Variants in ASB18 observed in about 807,000 individuals in gnomAD.
ASB18 encodes the protein ankyrin repeat and SOCS box protein 18.
Under a neutral mutation model 33.4 loss-of-function variants are expected in ASB18, and 33 were observed. The observed-to-expected ratio is 0.99, with a 90% CI of 0.75 to 1.32. The LOEUF (loss-of-function observed/expected upper bound fraction) is 1.32, where lower values mean the gene tolerates loss of function less well. ASB18 is among the 40% of genes most tolerant of loss of function. The pLI is 0.00. For missense variants in ASB18, 694 were observed against 655.5 expected (o/e 1.06, Z -0.64); for synonymous variants, 295 against 307.6 (o/e 0.96, Z 0.43).
In ASB18 at chr2:236,204,434, T is replaced by C. The variant is rs1457881437; in HGVS notation, c.1102-8049A>G. Among the ~76,000 whole-genome samples the C allele has an allele frequency of 6.6e-6, 1 of 152,226 alleles. No homozygotes were observed. On this transcript the variant is annotated intron_variant, in intron 4 of 5. Transcript: ENST00000409749. The surrounding 1 kb of genome is among the most constrained non-coding windows in gnomAD (Gnocchi z 5.1). Reference sequence around the variant, plus strand: ...TCTCCGTCCTTCAGATGTTCGACCATCCCTGCATTCAGGCCTGTTCCTCTT... The same window carrying C: ...TCTCCGTCCTTCAGATGTTCGACCACCCCTGCATTCAGGCCTGTTCCTCTT...
intron 1 of ASB18, among the ~76,000 whole-genome samples, chr2:236,261,523 C>T (rs568211910): frequency 9.8e-5 from 15 of 152,326 alleles, no homozygotes; most frequent in South Asian, 4.1e-4. Context: ...TCACTGATAA[C>T]GCGTGCCCTA....
Position 236,237,538 on chromosome 2 carries a change from G to T in ASB18, c.596+151C>A. ...GGGACGGGGCGGATGCGGGTCTGGG[G>T]ATCCAGTGGGCAGAGTCAAGGGTGC... On this transcript the variant is annotated intron_variant, in intron 3 of 5. Transcript: ENST00000409749. This position sits in a 1 kb window ranked among gnomAD's most constrained non-coding sequence, Gnocchi z 6.2. 3.7e-6 allele frequency: 2 copies of T among 544,304 alleles called. No homozygotes were observed. The highest frequency in any genetic ancestry group is 5.7e-6 in the Non-Finnish European group (2 of 350,882). The allele number at this position is 544,304 out of a possible 1,614,324, so 33.7% of individuals were successfully genotyped here. A position where few individuals can be genotyped will look rare whatever the true frequency, so the allele number is the denominator to read the frequency against.
chr2:236,202,714 G>A (rs1004010228), intron 4 of ASB18, among the ~76,000 whole-genome samples: 2 of 148,572 alleles, frequency 1.3e-5, no homozygotes, highest in African/African-American at 2.5e-5. Flanking sequence ...AGGAGGCAGA[G>A]GTTGCAGTGA....
rs955705860 is a variant in ASB18 at position 236,213,811 on chromosome 2, C to T, written c.1101+551G>A. On this transcript the variant is annotated intron_variant, in intron 4 of 5. Coordinates refer to ENST00000409749, the MANE Select transcript of ASB18 (RefSeq NM_212556.4). This position sits in a 1 kb window ranked among gnomAD's most constrained non-coding sequence, Gnocchi z 4.8. ...ACCCCAGGTAGAGGGAGAATATCAC[C>T]TGCCTCTCGTGTTTCACTGCAATGT... 2 of 154,786 alleles carry T rather than the reference C, an allele frequency of 1.3e-5. No homozygotes were observed. Among genetic ancestry groups the T allele is most frequent in the African/African-American group, 4.8e-5 (2 of 41,458 alleles). The allele number at this position is 154,786 out of a possible 1,614,324, so 9.6% of individuals were successfully genotyped here. A position where few individuals can be genotyped will look rare whatever the true frequency, so the allele number is the denominator to read the frequency against.
rs116413594 is a variant in ASB18 at position 236,193,737 on chromosome 2, G to A, written c.*1135C>T. Among the ~76,000 whole-genome samples, 3,468 of 152,138 alleles carry A rather than the reference G, an allele frequency of 0.023. 52 individuals carry two copies. Among genetic ancestry groups the A allele is most frequent in the Middle Eastern group, 0.075 (22 of 294 alleles). On this transcript the variant is annotated 3_prime_UTR_variant, in exon 6 of 6. Transcript: ENST00000409749. This position sits in a 1 kb window ranked among gnomAD's most constrained non-coding sequence, Gnocchi z 5.0. ...CTTGAACCTGGGAGGCGGAGGTTGC[G>A]GTGAGCCAAGATTGCGCCAGTCTCA...
chr2:236,259,825 A>G lies in ASB18; in HGVS notation c.205+4316T>C, dbSNP rs138510706. ...TGCCTAATGCCTGCCTCAGCAGGGT[A>G]TGTTCTGTGCTTTCCCCCAATGTCT... On this transcript the variant is annotated intron_variant, in intron 1 of 5. Transcript: ENST00000409749. This position sits in a 1 kb window ranked among gnomAD's most constrained non-coding sequence, Gnocchi z 4.4. 6.6e-6 allele frequency among the ~76,000 whole-genome samples: 1 copy of G among 152,306 alleles called. No homozygotes were observed. The highest frequency in any genetic ancestry group is 1.5e-5 in the Non-Finnish European group (1 of 68,006).
chr2:236,254,167 A>G (rs1162704712), intron 1 of ASB18: 3 of 152,242 alleles, frequency 2.0e-5, no homozygotes, highest in Non-Finnish European at 4.4e-5. Context: ...CTGAGTTCCA[A>G]TAAAACTTTA....
intron 4 of ASB18, among the ~76,000 whole-genome samples, chr2:236,207,026 G>T (rs2060437611): frequency 6.6e-6 from 1 of 152,326 alleles, no homozygotes; most frequent in Non-Finnish European, 1.5e-5. Flanking sequence ...ACAAAAGAGA[G>T]AAATACCCTG....
Position 236,194,828 on chromosome 2 carries a change from G to T in ASB18, c.*44C>A, listed in dbSNP as rs779227648. 7.8e-6 allele frequency: 12 copies of T among 1,536,548 alleles called. No homozygotes were observed. Among genetic ancestry groups the T allele is most frequent in the Non-Finnish European group, 1.1e-5 (12 of 1,126,740 alleles). On this transcript the variant is annotated 3_prime_UTR_variant, in exon 6 of 6. Coordinates refer to ENST00000409749, the MANE Select transcript of ASB18 (RefSeq NM_212556.4). This position sits in a 1 kb window ranked among gnomAD's most constrained non-coding sequence, Gnocchi z 4.5. ...TCTCCAACACACGGCCTCCATGGAAGGTCAGCGAGGAGAACAACAGTATTG... is the reference window on the plus strand; with the variant it reads ...TCTCCAACACACGGCCTCCATGGAATGTCAGCGAGGAGAACAACAGTATTG...
Position 236,262,135 on chromosome 2 carries a change from A to G in ASB18, c.205+2006T>C, listed in dbSNP as rs895155445. Among the ~76,000 whole-genome samples, 3 of 152,232 alleles carry G rather than the reference A, an allele frequency of 2.0e-5. No homozygotes were observed. The highest frequency in any genetic ancestry group is 7.2e-5 in the African/African-American group (3 of 41,464). On this transcript the variant is annotated intron_variant, in intron 1 of 5. Transcript: ENST00000409749. The surrounding 1 kb of genome is among the most constrained non-coding windows in gnomAD (Gnocchi z 5.2). ...TTTGGTAAAATGAGACACACAGTAA[A>G]GATTTTGCAGGGCAATTAGTAATGT...
chr2:236,216,615 A>T lies in ASB18; in HGVS notation c.597-1749T>A, dbSNP rs1286590070. Among the ~76,000 whole-genome samples, 1 of 150,102 alleles carries T rather than the reference A, an allele frequency of 6.7e-6. No homozygotes were observed. The highest frequency in any genetic ancestry group is 1.5e-5 in the Non-Finnish European group (1 of 67,446). On this transcript the variant is annotated intron_variant, in intron 3 of 5. Transcript: ENST00000409749. The surrounding 1 kb of genome is among the most constrained non-coding windows in gnomAD (Gnocchi z 6.1). ...ATCACCTGAACTGCTTCCTCCCTCC[A>T]CTCCCAGTGTCACTGTCCTTTGTTG...
Position 236,195,152 on chromosome 2 carries a change from T to C in ASB18, c.1216-95A>G. ...ACCACTGATGGTACAAGCGGGCTTT[T>C]CTATGGCTAACTGATCCCAGATAAG... On this transcript the variant is annotated intron_variant, in intron 5 of 5. Coordinates refer to ENST00000409749, the MANE Select transcript of ASB18 (RefSeq NM_212556.4). This position sits in a 1 kb window ranked among gnomAD's most constrained non-coding sequence, Gnocchi z 5.5. 5 of 1,181,152 alleles carry C rather than the reference T, an allele frequency of 4.2e-6. No homozygotes were observed. The highest frequency in any genetic ancestry group is 5.9e-6 in the Non-Finnish European group (5 of 840,762). The allele number at this position is 1,181,152 out of a possible 1,614,324, so 73.2% of individuals were successfully genotyped here.
rs1332554588 is a variant in ASB18 at position 236,216,789 on chromosome 2, G to A, written c.597-1923C>T. Among the ~76,000 whole-genome samples, 1 of 152,208 alleles carries A rather than the reference G, an allele frequency of 6.6e-6. No individual in the cohort carries two copies. Among genetic ancestry groups the A allele is most frequent in the Non-Finnish European group, 1.5e-5 (1 of 68,040 alleles). On this transcript the variant is annotated intron_variant, in intron 3 of 5. Transcript: ENST00000409749. This position sits in a 1 kb window ranked among gnomAD's most constrained non-coding sequence, Gnocchi z 6.1. ...CCACCACTCCCCCTGCCTGCTGGGC[G>A]AAGCCCACACTGCTCTCTTCAGGAC...
chr2:236,209,431 C>A lies in ASB18; in HGVS notation c.1101+4931G>T, dbSNP rs1489151668. Among the ~76,000 whole-genome samples the A allele has an allele frequency of 2.0e-5, 3 of 152,102 alleles. No homozygotes were observed. Among genetic ancestry groups the A allele is most frequent in the African/African-American group, 4.8e-5 (2 of 41,410 alleles). ...GGGACTACAGTTGCATGCCACCATG[C>A]CCAGGTAATTTAATTTTTTGTGGAG... is the stretch of plus-strand genomic sequence containing the variant. On this transcript the variant is annotated intron_variant, in intron 4 of 5. Coordinates refer to ENST00000409749, the MANE Select transcript of ASB18 (RefSeq NM_212556.4). This position sits in a 1 kb window ranked among gnomAD's most constrained non-coding sequence, Gnocchi z 4.4.
rs2060707577 is a variant in ASB18, at chr2:236,259,351, C to G, written c.205+4790G>C. Among the ~76,000 whole-genome samples, 1 of 152,210 alleles carries G rather than the reference C, an allele frequency of 6.6e-6. No homozygotes were observed. The highest frequency in any genetic ancestry group is 2.1e-4 in the South Asian group (1 of 4,826). On this transcript the variant is annotated intron_variant, in intron 1 of 5. Transcript: ENST00000409749. This position sits in a 1 kb window ranked among gnomAD's most constrained non-coding sequence, Gnocchi z 4.4. ...TTTCTCTCAGGGTTAATACCCTGTG[C>G]TAGGCTCTGGATATAATCGAGTGTT...
At chr2:236,198,582 G>A (rs56396705) in intron 4 of ASB18, among the ~76,000 whole-genome samples, 24,030 of 152,126 alleles carry the variant, frequency 0.16, 1,949 homozygotes, top group South Asian at 0.25. Context: ...TGGCCAGGCT[G>A]GTCTTGAACT....
rs2060362639 is a variant in ASB18 at position 236,194,671 on chromosome 2, A to C, written c.*201T>G. ...CTGGATTTTCACAAGCGACCCTGAG[A>C]GGCAGAAAGGGCTTTTGTTGCCAAT... On this transcript the variant is annotated 3_prime_UTR_variant, in exon 6 of 6. Coordinates refer to ENST00000409749, the MANE Select transcript of ASB18 (RefSeq NM_212556.4). The surrounding 1 kb of genome is among the most constrained non-coding windows in gnomAD (Gnocchi z 4.5). 6.6e-6 allele frequency among the ~76,000 whole-genome samples: 1 copy of C among 152,168 alleles called. No homozygotes were observed.
At position 236,257,174 on chromosome 2, in the gene ASB18, T is replaced by C. The variant is rs574850732; in HGVS notation, c.205+6967A>G. Among the ~76,000 whole-genome samples the C allele has an allele frequency of 7.9e-5, 12 of 152,340 alleles. No homozygotes were observed. The South Asian group carries it at 2.5e-3, about 32-fold the overall frequency. On this transcript the variant is annotated intron_variant, in intron 1 of 5. Transcript: ENST00000409749. The surrounding 1 kb of genome is among the most constrained non-coding windows in gnomAD (Gnocchi z 5.5). ...AGCGTTAATTAAGAAGATGGGACAATAATTTGTGCATAATTCCGGATCTTT... is the reference window on the plus strand; with the variant it reads ...AGCGTTAATTAAGAAGATGGGACAACAATTTGTGCATAATTCCGGATCTTT...
rs1048605505 is a variant in ASB18, at chr2:236,250,641, C to T, written c.206-9239G>A. The T allele has an allele frequency of 6.6e-6, 1 of 152,176 alleles. No individual in the cohort carries two copies. The highest frequency in any genetic ancestry group is 2.1e-4 in the South Asian group (1 of 4,828). The allele number at this position is 152,176 out of a possible 1,614,324, so 9.4% of individuals were successfully genotyped here. On this transcript the variant is annotated intron_variant, in intron 1 of 5. Coordinates refer to ENST00000409749, the MANE Select transcript of ASB18 (RefSeq NM_212556.4). The surrounding 1 kb of genome is among the most constrained non-coding windows in gnomAD (Gnocchi z 4.1). Reference sequence around the variant, plus strand: ...ACATCACTACCAACTGGTGCAGCAGCCCCAGGCCTTCCAGTGGAGTTACTT... The same window carrying T: ...ACATCACTACCAACTGGTGCAGCAGTCCCAGGCCTTCCAGTGGAGTTACTT...
Sources: allele counts gnomAD v4.1 joint callset (sites outside exome capture counted in the v4.1 genomes callset), GRCh38; gene constraint gnomAD v4.1.1; non-coding constraint Gnocchi (gnomAD v3.1); transcripts MANE v1.5; gene names NCBI Gene and HGNC (gene_info 2026-07-23, HGNC 2026-07-21).